The following C2orf81 variants were observed in gnomAD, a reference collection of about 807,000 sequenced individuals.
C2orf81 encodes chromosome 2 open reading frame 81.
C2orf81 carries 5 observed loss-of-function variants against 7.9 expected under a neutral mutation model. The observed-to-expected ratio is 0.63, with a 90% CI of 0.33 to 1.33. The LOEUF is 1.33. Among genes scored for constraint, C2orf81 ranks in the 40% most tolerant of loss-of-function variants. The probability of loss-of-function intolerance (pLI) is 0.05; values close to 1 mark genes in which losing one functional copy is unlikely to be tolerated. For synonymous variants in C2orf81, 346 were observed against 367.4 expected, an observed-to-expected ratio of 0.94 and a Z score of 0.66; for missense variants, 781 against 830.4, an observed-to-expected ratio of 0.94 and a Z score of 0.73.
rs2103825587 is a variant in C2orf81 at position 74,414,731 on chromosome 2, T to C, written c.1446A>G (p.Thr482=). ...LPNSRIRFLT[T]HPVLPDVARS... is the part of the protein sequence containing the mutation. ...GGGCCACATCAGGGAGCACCGGGTG[T>C]GTGGTGAGGAAGCGGATCCTGGAGT... Residue 482 remains threonine (T), a synonymous_variant, in exon 3 of 3, where the codon ACA becomes ACG. Transcript: ENST00000684111. This position sits in a 1 kb window ranked among gnomAD's most constrained non-coding sequence, Gnocchi z 5.3. 1.9e-6 allele frequency: 3 copies of C among 1,548,678 alleles called. No homozygotes were observed. In the East Asian group the frequency reaches 7.3e-5, roughly 38 times the overall value.
rs893453327 is a variant in C2orf81 at position 74,415,975 on chromosome 2, G to C, written c.249+36C>G. The stretch of plus-strand genomic sequence containing the variant: ...CAGGTCGGCAGGGAGGGGCGGGAGA[G>C]GGAGACGAGTCTGAAGGACCCGGAT... On this transcript the variant is annotated intron_variant, in intron 2 of 2. Coordinates refer to ENST00000684111, the MANE Select transcript of C2orf81 (RefSeq NM_001316764.3). The surrounding 1 kb of genome is among the most constrained non-coding windows in gnomAD (Gnocchi z 5.5). 7.1e-6 allele frequency: 11 copies of C among 1,547,988 alleles called. No homozygotes were observed. The Admixed American group carries it at 1.6e-4, about 22-fold the overall frequency.
rs1573218957 is a variant in C2orf81 at position 74,421,453 on chromosome 2, T to G, written c.18+90A>C. On this transcript the variant is annotated intron_variant, in intron 1 of 2. Transcript: ENST00000684111. The stretch of plus-strand genomic sequence containing the variant: ...GGTGGGCGGGAGCAAGTAGGGGCAC[T>G]GGGCGGCCCAGAGCCAGCCCACTGT... The G allele has an allele frequency of 1.0e-5, 3 of 301,018 alleles. No homozygotes were observed. The East Asian group carries it at 1.6e-4, about 16-fold the overall frequency. The allele number at this position is 301,018 out of a possible 1,614,324, so 18.6% of individuals were successfully genotyped here.
intron 1 of C2orf81, chr2:74,418,304 CCTT>C: frequency 3.7e-6 from 6 of 1,607,456 alleles, no homozygotes; most frequent in Admixed American, 1.7e-5. Context: ...TCGCTGAGCT[CCTT>C]CTGACTCCCT....
chr2:74,418,005 A>C, intron 1 of C2orf81: 1 of 469,064 alleles, frequency 2.1e-6, no homozygotes, highest in East Asian at 4.8e-5. Flanking sequence ...GTGAAGGTGC[A>C]GGTGGAAGAT....
At chr2:74,417,700 A>G in intron 1 of C2orf81, 1 of 576,200 alleles carries the variant, frequency 1.7e-6, no homozygotes, top group Non-Finnish European at 2.8e-6. Flanking sequence ...GGCCCCTTTT[A>G]AGACCAGGGG....
Position 74,415,523 on chromosome 2 carries a change from C to A in C2orf81, c.654G>T (p.Leu218=). ...TGGGAGGAGGGGCCGACGTGACTCT[C>A]AGCTGCGGAGAAGGCTCCCAAGATT... ...QMESWEPSPQ[L]RVTSAPPPTS... Residue 218 remains leucine (L), a synonymous_variant, in exon 3 of 3, where the codon CTG becomes CTT. Coordinates refer to ENST00000684111, the MANE Select transcript of C2orf81 (RefSeq NM_001316764.3). The surrounding 1 kb of genome is among the most constrained non-coding windows in gnomAD (Gnocchi z 5.5). The A allele has an allele frequency of 6.5e-7, 1 of 1,546,396 alleles. No homozygotes were observed. Among genetic ancestry groups the A allele is most frequent in the Non-Finnish European group, 8.7e-7 (1 of 1,143,114 alleles).
chr2:74,418,573 G>T (rs550028080), intron 1 of C2orf81: 1 of 677,090 alleles, frequency 1.5e-6, no homozygotes, highest in Non-Finnish European at 2.6e-6. Flanking sequence ...AGTCTCCACC[G>T]CAGCCGCCCC....
At chr2:74,418,712 T>TA (rs1303781246) in intron 1 of C2orf81, among the ~76,000 whole-genome samples, 1 of 151,764 alleles carries the variant, frequency 6.6e-6, no homozygotes, top group African/African-American at 2.4e-5. Flanking sequence ...TTTTTTTTTT[T>TA]AACCAACTAT....
At position 74,414,338 on chromosome 2, in the gene C2orf81, C is replaced by T. The variant is rs375753087; in HGVS notation, c.1839G>A (p.Lys613=). Residue 613 remains lysine (K), a synonymous_variant, in exon 3 of 3, where the codon AAG becomes AAA. Coordinates refer to ENST00000684111, the MANE Select transcript of C2orf81 (RefSeq NM_001316764.3). The surrounding 1 kb of genome is among the most constrained non-coding windows in gnomAD (Gnocchi z 5.3). The part of the protein sequence containing the change: ...EQHPIQTGAP[K]PR Reference sequence around the variant, plus strand: ...ATTAGCTGTGCTACGGTCACCTGGGCTTTGGGGCACCTGTCTGGATGGGAT... The same window carrying T: ...ATTAGCTGTGCTACGGTCACCTGGGTTTTGGGGCACCTGTCTGGATGGGAT... 5.5e-5 allele frequency: 82 copies of T among 1,483,324 alleles called. No individual in the cohort carries two copies. The highest frequency in any genetic ancestry group is 5.4e-5 in the Non-Finnish European group (60 of 1,109,778). 91.9% of individuals were successfully genotyped at this position (1,483,324 alleles called of 1,614,324 possible).
chr2:74,420,766 CTTCTTCT>C (rs1288072590), intron 1 of C2orf81, among the ~76,000 whole-genome samples: 47 of 131,434 alleles, frequency 3.6e-4, no homozygotes, highest in African/African-American at 1.4e-3. Context: ...TTTCTTTCTT[CTTCTTCT>C]TTTTTTTTTT....
intron 1 of C2orf81, among the ~76,000 whole-genome samples, chr2:74,420,736 CA>C (rs1676581055): frequency 1.4e-5 from 2 of 147,522 alleles, no homozygotes; most frequent in Admixed American, 1.3e-4. Context: ...TATTTTTGCA[CA>C]AAGGCTCTTC....
chr2:74,414,198 T>C lies in C2orf81; in HGVS notation c.*131A>G, dbSNP rs1676371775. The C allele has an allele frequency of 1.3e-5, 11 of 875,858 alleles. No individual in the cohort carries two copies. The highest frequency in any genetic ancestry group is 1.7e-5 in the Non-Finnish European group (11 of 629,746). 54.3% of individuals were successfully genotyped at this position (875,858 alleles called of 1,614,324 possible). ...AGACTAGTTCCTAAGGCAACTCAGG[T>C]GTTTATTTCTGGCTAGCAGAGGGAG... On this transcript the variant is annotated 3_prime_UTR_variant, in exon 3 of 3. Coordinates refer to ENST00000684111, the MANE Select transcript of C2orf81 (RefSeq NM_001316764.3). The surrounding 1 kb of genome is among the most constrained non-coding windows in gnomAD (Gnocchi z 5.3).
chr2:74,416,021 A>T lies in C2orf81; in HGVS notation c.239T>A (p.Leu80Gln). 6.5e-7 allele frequency: 1 copy of T among 1,550,130 alleles called. No individual in the cohort carries two copies. Among genetic ancestry groups the T allele is most frequent in the Non-Finnish European group, 8.7e-7 (1 of 1,146,900 alleles). The change falls in exon 2 of 3, where the codon CTG becomes CAG. Residue 80 changes from leucine (L) to glutamine (Q), a missense_variant. Leu to Gln is a moderately radical substitution (Grantham distance 113). Transcript: ENST00000684111. ...CGGATCCCGGCCCACCTGCTGAGTCAGGTAGACTTTGAAAGCAGAGTCCAT... is the reference window on the plus strand; with the variant it reads ...CGGATCCCGGCCCACCTGCTGAGTCTGGTAGACTTTGAAAGCAGAGTCCAT... ...RVMDSAFKVY[L>Q]TQQCIPFTIS...
At position 74,415,892 on chromosome 2, in the gene C2orf81, G is replaced by T; in HGVS notation, c.285C>A (p.Ala95=). The change falls in exon 3 of 3, where the codon GCC becomes GCA. Residue 95 remains alanine (A), a synonymous_variant. Coordinates refer to ENST00000684111, the MANE Select transcript of C2orf81 (RefSeq NM_001316764.3). The surrounding 1 kb of genome is among the most constrained non-coding windows in gnomAD (Gnocchi z 5.5). ...IPFTISQARE[A]MLQITEWRFL... is the part of the protein sequence containing the mutation. ...AGCGCCACTCGGTGATCTGCAGCAT[G>T]GCCTCCCGGGCCTGGCTGATGGTGA... 1 of 1,549,738 alleles carries T rather than the reference G, an allele frequency of 6.5e-7. No individual in the cohort carries two copies. The highest frequency in any genetic ancestry group is 1.7e-4 in the Middle Eastern group (1 of 5,990).
chr2:74,415,404 G>A lies in C2orf81; in HGVS notation c.773C>T (p.Ala258Val). The A allele has an allele frequency of 1.3e-6, 2 of 1,527,254 alleles. No homozygotes were observed. Among genetic ancestry groups the A allele is most frequent in the African/African-American group, 1.4e-5 (1 of 72,512 alleles). The allele number at this position is 1,527,254 out of a possible 1,614,324, so 94.6% of individuals were successfully genotyped here. The change falls in exon 3 of 3, where the codon GCG (alanine) becomes GTG (valine). Residue 258 changes from alanine (A) to valine (V), a missense_variant. Physicochemically the swap from Ala to Val is moderately conservative, Grantham distance 64 (BLOSUM62 0). Transcript: ENST00000684111. This position sits in a 1 kb window ranked among gnomAD's most constrained non-coding sequence, Gnocchi z 5.5. The stretch of plus-strand genomic sequence containing the variant: ...CTCCTCCACCGACAGTTGGAAGCTC[G>A]CGCTCAAGGACCCGGCCGAGGAGAG... ...RGLSSAGSLS[A>V]SFQLSVEEAP...
Position 74,415,607 on chromosome 2 carries a change from G to T in C2orf81, c.570C>A (p.Gly190=), listed in dbSNP as rs1364388311. 5.8e-6 allele frequency: 9 copies of T among 1,550,944 alleles called. No homozygotes were observed. The highest frequency in any genetic ancestry group is 1.4e-5 in the African/African-American group (1 of 73,052). The change falls in exon 3 of 3, where the codon GGC becomes GGA. Residue 190 remains glycine (G), a synonymous_variant. Transcript: ENST00000684111. The surrounding 1 kb of genome is among the most constrained non-coding windows in gnomAD (Gnocchi z 5.5). ...ACCTTCCTAAAGGGATCCGGTCCAC[G>T]CCCCCAGGGTCCTGGGGAAATGCAC... ...CPSAFPQDPG[G]VDRIPLGRSW...
In C2orf81 at chr2:74,415,953, G is replaced by T. The variant is rs1282636622; in HGVS notation, c.250-26C>A. 1.3e-6 allele frequency: 2 copies of T among 1,547,134 alleles called. No individual in the cohort carries two copies. The highest frequency in any genetic ancestry group is 2.4e-5 in the South Asian group (2 of 83,878). ...CTGCGGAGGCGAGAGAGGATCTCAG[G>T]TCGGCAGGGAGGGGCGGGAGAGGGA... On this transcript the variant is annotated intron_variant, in intron 2 of 2. Transcript: ENST00000684111. The surrounding 1 kb of genome is among the most constrained non-coding windows in gnomAD (Gnocchi z 5.5).
intron 1 of C2orf81, chr2:74,418,369 C>A: frequency 6.3e-7 from 1 of 1,597,644 alleles, no homozygotes; most frequent in Non-Finnish European, 8.6e-7. Flanking sequence ...CCTGCCACGG[C>A]CCCGCTTCTC....
Position 74,415,464 on chromosome 2 carries a change from C to T in C2orf81, c.713G>A (p.Gly238Asp), listed in dbSNP as rs1676428411. ...CTGGCCGTCCGCTTCCTCTACAGGACCTCCGGGCCCTGCCTCCTGAAACAG... is the reference window on the plus strand; with the variant it reads ...CTGGCCGTCCGCTTCCTCTACAGGATCTCCGGGCCCTGCCTCCTGAAACAG... ...SELFQEAGPG[G>D]PVEEADGQSR... Residue 238 changes from glycine to aspartate, a missense_variant, in exon 3 of 3, where the codon GGT (glycine) becomes GAT (aspartate). By Grantham distance (94) the Gly-to-Asp change is moderately conservative. Coordinates refer to ENST00000684111, the MANE Select transcript of C2orf81 (RefSeq NM_001316764.3). This position sits in a 1 kb window ranked among gnomAD's most constrained non-coding sequence, Gnocchi z 5.5. 6.5e-7 allele frequency: 1 copy of T among 1,536,602 alleles called. No individual in the cohort carries two copies.
Sources: gnomAD v4.1 joint callset for allele counts (sites outside exome capture counted in the v4.1 genomes callset) on GRCh38, gnomAD v4.1.1 for gene constraint, Gnocchi (gnomAD v3.1) non-coding constraint, MANE v1.5 for transcripts, NCBI Gene and HGNC (gene_info 2026-07-23, HGNC 2026-07-21) for gene names.